The following BCL2L14 variants were observed in gnomAD, a reference collection of about 807,000 sequenced individuals.
BCL2L14 encodes the protein apoptosis facilitator Bcl-2-like protein 14.
A neutral mutation model predicts 35.3 loss-of-function variants in BCL2L14; 27 were observed. The ratio of observed to expected loss-of-function variants is 0.76; its 90% CI spans 0.56 to 1.05. BCL2L14 has a LOEUF of 1.05. Among genes scored for constraint, BCL2L14 ranks in the 50% least tolerant of loss-of-function variants. The pLI, the probability that BCL2L14 is intolerant of heterozygous loss-of-function variation, is 0.00. For synonymous variants in BCL2L14, 139 were observed against 145.9 expected (o/e 0.95, Z 0.34); for missense variants, 377 against 382.6 (o/e 0.99, Z 0.12).
chr12:12,076,053 T>G (rs1948773905), intron 1 of BCL2L14, among the ~76,000 whole-genome samples: 1 of 149,530 alleles, frequency 6.7e-6, no homozygotes, highest in African/African-American at 2.5e-5. Flanking sequence ...GGTCACCAGA[T>G]GTCCAGTACA....
chr12:12,077,254 G>C (rs1948801667), intron 1 of BCL2L14, among the ~76,000 whole-genome samples: 1 of 152,110 alleles, frequency 6.6e-6, no homozygotes, highest in Non-Finnish European at 1.5e-5. Context: ...TTAAGACAGA[G>C]CCTGAGGCCG....
At chr12:12,088,715 T>A (rs1296984951) in intron 3 of BCL2L14, among the ~76,000 whole-genome samples, 1 of 152,106 alleles carries the variant, frequency 6.6e-6, no homozygotes, top group Non-Finnish European at 1.5e-5. Flanking sequence ...AGGTGGATCT[T>A]GGGTTTGCAC....
At chr12:12,096,195 C>A in intron 5 of BCL2L14, 1 of 959,006 alleles carries the variant, frequency 1.0e-6, no homozygotes, top group Non-Finnish European at 1.2e-6. Context: ...ATGTTTCAAG[C>A]ATTCATTTTA....
intron 1 of BCL2L14, among the ~76,000 whole-genome samples, chr12:12,050,802 A>AAAAAAAAG (rs1948343852): frequency 7.2e-6 from 1 of 138,612 alleles, no homozygotes; most frequent in African/African-American, 2.6e-5. Context: ...CTAAAAAAAA[A>AAAAAAAAG]AAAAAAAAAA....
upstream of BCL2L14, among the ~76,000 whole-genome samples, chr12:12,068,749 T>C (rs962175316): frequency 6.6e-6 from 1 of 152,142 alleles, no homozygotes; most frequent in South Asian, 2.1e-4. Context: ...ACATGGGTTC[T>C]TGGCTTCCCA....
chr12:12,058,159 C>T (rs1458145037), intron 2 of BCL2L14, among the ~76,000 whole-genome samples: 1 of 151,826 alleles, frequency 6.6e-6, no homozygotes, highest in Non-Finnish European at 1.5e-5. Context: ...ACCATGTTGG[C>T]CAGGCTGTTC....
chr12:12,077,534 T>A, intron 1 of BCL2L14, among the ~76,000 whole-genome samples: 1 of 87,010 alleles, frequency 1.1e-5, no homozygotes, highest in Non-Finnish European at 2.3e-5. Context: ...CAAAACTGAG[T>A]CTCAAAAAAA....
chr12:12,057,984 G>A (rs1217472468), intron 2 of BCL2L14, among the ~76,000 whole-genome samples: 1 of 139,488 alleles, frequency 7.2e-6, no homozygotes, highest in Non-Finnish European at 1.5e-5. Flanking sequence ...AGTCTCTGTT[G>A]CCCAGGCTGG....
At position 12,058,692 on chromosome 12, in the gene BCL2L14, C is replaced by T. The variant is rs199666657; in HGVS notation, c.-272+6845C>T. 1.1e-3 allele frequency among the ~76,000 whole-genome samples: 171 copies of T among 152,084 alleles called. 4 individuals carry two copies. In the East Asian group the frequency reaches 0.024, roughly 22 times the overall value. On this transcript the variant is annotated intron_variant, in intron 2 of 3. Transcript: ENST00000461264. ...CATCTCCCTTCACTGACTCTCTTTTCGGACTCAGCCCGCCTGCACCCAGGT... is the reference window on the plus strand; with the variant it reads ...CATCTCCCTTCACTGACTCTCTTTTTGGACTCAGCCCGCCTGCACCCAGGT...
Position 12,099,529 on chromosome 12 carries a change from T to C in BCL2L14, c.*541T>C, listed in dbSNP as rs1293946432. The C allele has an allele frequency of 2.0e-5, 3 of 152,414 alleles. No homozygotes were observed. Among genetic ancestry groups the C allele is most frequent in the South Asian group, 2.1e-4 (1 of 4,826 alleles). 9.4% of individuals were successfully genotyped at this position (152,414 alleles called of 1,614,324 possible). ...AGAGGTAACTGTTGTCTGTGCCTTT[T>C]TGAAAAACTTCCATTTGGTACAAAA... On this transcript the variant is annotated 3_prime_UTR_variant, in exon 6 of 6. Coordinates refer to ENST00000308721, the MANE Select transcript of BCL2L14 (RefSeq NM_138723.2).
chr12:12,090,933 C>A (rs1390685372), intron 4 of BCL2L14, 84 bp downstream of exon 4: 3 of 1,015,476 alleles, frequency 3.0e-6, no homozygotes, highest in Admixed American at 5.2e-5. Context: ...CAGGTTGCAA[C>A]CTTATTCCCT....
In BCL2L14 at chr12:12,099,079, A is replaced by G. The variant is rs1054463631; in HGVS notation, c.*91A>G. 2 of 904,856 alleles carry G rather than the reference A, an allele frequency of 2.2e-6. No homozygotes were observed. Among genetic ancestry groups the G allele is most frequent in the Admixed American group, 3.8e-5 (2 of 52,118 alleles). 56.1% of individuals were successfully genotyped at this position (904,856 alleles called of 1,614,324 possible). ...GGACTACAGGAGATTACAACGTACA[A>G]GGCAGATGGAGCATTGACGTTTTCA... On this transcript the variant is annotated 3_prime_UTR_variant, in exon 6 of 6. Coordinates refer to ENST00000308721, the MANE Select transcript of BCL2L14 (RefSeq NM_138723.2).
intron 2 of BCL2L14, among the ~76,000 whole-genome samples, chr12:12,058,492 A>C (rs1015463484): frequency 5.3e-5 from 8 of 152,132 alleles, no homozygotes; most frequent in African/African-American, 1.9e-4. Context: ...CCACAAAAGA[A>C]GTGAAAATGG....
At chr12:12,076,216 C>T (rs577824125) in intron 1 of BCL2L14, among the ~76,000 whole-genome samples, 15 of 73,372 alleles carry the variant, frequency 2.0e-4, no homozygotes, top group Non-Finnish European at 3.8e-4. Flanking sequence ...CCGGAAAATG[C>T]ATGGGGGAGG....
At chr12:12,088,659 T>A (rs1383014214) in intron 3 of BCL2L14, among the ~76,000 whole-genome samples, 1 of 152,234 alleles carries the variant, frequency 6.6e-6, no homozygotes, top group Non-Finnish European at 1.5e-5. Context: ...TTACCCTCAC[T>A]ATCTGCCTAA....
At chr12:12,088,111 G>A (rs1949088500) in intron 3 of BCL2L14, among the ~76,000 whole-genome samples, 1 of 152,196 alleles carries the variant, frequency 6.6e-6, no homozygotes, top group Non-Finnish European at 1.5e-5. Flanking sequence ...CTCATGCCAA[G>A]GGAATCGAGG....
At chr12:12,088,282 T>G (rs1309618181) in intron 3 of BCL2L14, among the ~76,000 whole-genome samples, 1 of 151,726 alleles carries the variant, frequency 6.6e-6, no homozygotes, top group Non-Finnish European at 1.5e-5. Flanking sequence ...TTTGAGGAGG[T>G]GGTGTCTGAT....
intron 2 of BCL2L14, among the ~76,000 whole-genome samples, chr12:12,085,272 A>T (rs2136761202): frequency 6.6e-6 from 1 of 152,220 alleles, no homozygotes; most frequent in Admixed American, 6.5e-5. Flanking sequence ...GTAGAACCGC[A>T]TGCTGATTAC....
chr12:12,080,199 C>T (rs144558300), intron 2 of BCL2L14, among the ~76,000 whole-genome samples: 6,864 of 131,404 alleles, frequency 0.052, 536 homozygotes, highest in African/African-American at 0.17. Context: ...AGTGAGACTC[C>T]GTCAAAAAAA....
Sources: gnomAD v4.1 joint callset for allele counts (sites outside exome capture counted in the v4.1 genomes callset) on GRCh38, gnomAD v4.1.1 for gene constraint, MANE v1.5 for transcripts, NCBI Gene and HGNC (gene_info 2026-07-23, HGNC 2026-07-21) for gene names.